RPH3A: variants seen among roughly 807,000 people sequenced by gnomAD.
RPH3A encodes the protein rabphilin 3A, also known as rabphilin-3A.
Under a neutral mutation model 102.2 loss-of-function variants are expected in RPH3A, and 48 were observed. The observed-to-expected ratio is 0.47, with a 90% CI of 0.37 to 0.60. RPH3A has a LOEUF of 0.60. RPH3A is among the 20% of genes least tolerant of loss of function. The pLI is 0.00. For synonymous variants in RPH3A, 310 were observed against 324.3 expected, an observed-to-expected ratio of 0.96 and a Z score of 0.47; for missense variants, 781 against 910.1, an observed-to-expected ratio of 0.86 and a Z score of 1.83.
intron 1 of RPH3A, among the ~76,000 whole-genome samples, chr12:112,587,167 A>G (rs2039445170): frequency 6.6e-6 from 1 of 152,256 alleles, no homozygotes; most frequent in African/African-American, 2.4e-5. Context: ...TGAGAAAGTC[A>G]AAAATCCCTT....
chr12:112,713,051 C>CCCTCTTCTTCTTCTTCTT (rs2040488026), intron 1 of RPH3A, among the ~76,000 whole-genome samples: 1 of 85,858 alleles, frequency 1.2e-5, no homozygotes. Context: ...TTCTTCTTCT[C>CCCTCTTCTTCTTCTTCTT]CTTCTTCTTC....
Position 112,869,807 on chromosome 12 carries a change from G to A in RPH3A, c.649+10G>A. On this transcript the variant is annotated intron_variant, in intron 9 of 21. Transcript: ENST00000389385. ...CCGGGTCAGAAGACAGGTGGGTTCT[G>A]CTGACTCTGTTTTGTCATTTGAGAC... 6.2e-7 allele frequency: 1 copy of A among 1,614,152 alleles called. No homozygotes were observed. The highest frequency in any genetic ancestry group is 8.5e-7 in the Non-Finnish European group (1 of 1,180,002).
At chr12:112,590,698 A>G (rs1307020570) in intron 1 of RPH3A, among the ~76,000 whole-genome samples, 3 of 152,260 alleles carry the variant, frequency 2.0e-5, no homozygotes, top group African/African-American at 4.8e-5. Context: ...TTTAATTTCT[A>G]TGTTTAAAAA....
chr12:112,712,925 C>CTTCTTCTTCTTCTTCCTCTTCTTCT (rs1565856803), intron 1 of RPH3A, among the ~76,000 whole-genome samples: 5 of 94,528 alleles, frequency 5.3e-5, no homozygotes, highest in African/African-American at 2.3e-4. Context: ...CTTCTTCTTC[C>CTTCTTCTTCTTCTTCCTCTTCTTCT]TCTTCTTCTT....
chr12:112,786,206 A>G (rs2041049683), intron 1 of RPH3A, among the ~76,000 whole-genome samples: 1 of 152,182 alleles, frequency 6.6e-6, no homozygotes, highest in East Asian at 1.9e-4. Flanking sequence ...TGACTGATTA[A>G]TAAATAAAAC....
chr12:112,715,444 TA>T (rs956242848), intron 1 of RPH3A, among the ~76,000 whole-genome samples: 4 of 152,200 alleles, frequency 2.6e-5, no homozygotes, highest in Admixed American at 1.3e-4. Context: ...CACTCAAATG[TA>T]AGCACCATAA....
intron 16 of RPH3A, among the ~76,000 whole-genome samples, chr12:112,886,338 C>T (rs1418152794): frequency 1.3e-5 from 2 of 152,126 alleles, no homozygotes; most frequent in South Asian, 4.2e-4. Flanking sequence ...GACAGTTTTT[C>T]CATGAACTGG....
chr12:112,576,873 C>T (rs1349451259), intron 1 of RPH3A, among the ~76,000 whole-genome samples: 1 of 145,794 alleles, frequency 6.9e-6, no homozygotes, highest in African/African-American at 2.5e-5. Flanking sequence ...GTATTTTTTT[C>T]AATAGAAATG....
At chr12:112,835,288 G>C (rs1226735589) in intron 3 of RPH3A, among the ~76,000 whole-genome samples, 1 of 152,072 alleles carries the variant, frequency 6.6e-6, no homozygotes, top group Non-Finnish European at 1.5e-5. Flanking sequence ...ATTTTACAGA[G>C]AATATTTCCT....
intron 1 of RPH3A, among the ~76,000 whole-genome samples, chr12:112,779,809 A>C (rs972660347): frequency 1.3e-5 from 2 of 152,198 alleles, no homozygotes; most frequent in African/African-American, 4.8e-5. Flanking sequence ...ATAAACACTC[A>C]GGTTAAGGTG....
intron 7 of RPH3A, 114 bp from the exon 8 acceptor site, chr12:112,868,316 G>C (rs1298061849): frequency 3.9e-6 from 4 of 1,016,500 alleles, no homozygotes; most frequent in East Asian, 4.9e-5. Context: ...AAGTGTGCTG[G>C]CTATTGTGTC....
In RPH3A at chr12:112,764,495, G is replaced by A. The variant is rs185849498; in HGVS notation, c.-139-27648G>A. Among the ~76,000 whole-genome samples, 125 of 152,324 alleles carry A rather than the reference G, an allele frequency of 8.2e-4. 1 individual carries two copies. The highest frequency in any genetic ancestry group is 3.4e-3 in the Middle Eastern group (1 of 294). ...TCTTTCCTAGATCCTGACTAGGGAA[G>A]ATCTGGATTAATGTAGATTCTTTAC... On this transcript the variant is annotated intron_variant, in intron 1 of 21. Transcript: ENST00000543106.
chr12:112,727,613 A>T (rs2040603666), intron 1 of RPH3A, among the ~76,000 whole-genome samples: 1 of 151,442 alleles, frequency 6.6e-6, no homozygotes, highest in Non-Finnish European at 1.5e-5. Context: ...AAAGAAACTT[A>T]AACTTAAGTT....
intron 1 of RPH3A, among the ~76,000 whole-genome samples, chr12:112,760,308 G>T (rs2040847128): frequency 6.6e-6 from 1 of 152,282 alleles, no homozygotes; most frequent in South Asian, 2.1e-4. Flanking sequence ...GGGCCTCATT[G>T]TCTTCTTTTG....
chr12:112,871,486 G>A (rs115725308), intron 10 of RPH3A, among the ~76,000 whole-genome samples: 16 of 152,224 alleles, frequency 1.1e-4, no homozygotes, highest in African/African-American at 3.6e-4. Flanking sequence ...CTAGCATAAT[G>A]TCTTCAAGGT....
At chr12:112,847,616 T>C in intron 4 of RPH3A, 80 bp from the exon 5 acceptor site, 2 of 1,481,444 alleles carry the variant, frequency 1.4e-6, no homozygotes, top group South Asian at 1.3e-5. Context: ...GTCCACAGTT[T>C]CCCAGACAGT....
At chr12:112,641,028 A>G (rs537072968) in intron 1 of RPH3A, among the ~76,000 whole-genome samples, 1 of 152,326 alleles carries the variant, frequency 6.6e-6, no homozygotes, top group South Asian at 2.1e-4. Context: ...TGGTTAAGAA[A>G]CTGGACATAG....
chr12:112,817,565 C>A (rs1565897977), intron 2 of RPH3A, among the ~76,000 whole-genome samples: 1 of 149,488 alleles, frequency 6.7e-6, no homozygotes. Flanking sequence ...TGTGTGTGCA[C>A]CCCCCACCCC....
rs765747241 is a variant in RPH3A at position 112,811,411 on chromosome 12, T to A, written c.-18-16890T>A. 2.0e-5 allele frequency among the ~76,000 whole-genome samples: 3 copies of A among 152,070 alleles called. No individual in the cohort carries two copies. The South Asian group carries it at 6.2e-4, about 32-fold the overall frequency. ...TGCATTATTTTCTCTGTAAGGCAAA[T>A]CACAGCCTTCCTGCTCCTAGGAACA... On this transcript the variant is annotated intron_variant, in intron 2 of 21. Coordinates refer to ENST00000389385, the MANE Select transcript of RPH3A (RefSeq NM_001143854.2).
Sources: allele counts gnomAD v4.1 joint callset (sites outside exome capture counted in the v4.1 genomes callset), GRCh38; gene constraint gnomAD v4.1.1; transcripts MANE v1.5; gene names NCBI Gene and HGNC (gene_info 2026-07-23, HGNC 2026-07-21).